Variants in SYNE2 observed in about 807,000 individuals in gnomAD.
SYNE2 encodes the protein nesprin-2.
A neutral mutation model predicts 856.3 loss-of-function variants in SYNE2; 431 were observed. The observed-to-expected ratio is 0.50, with a 90% CI of 0.47 to 0.55. SYNE2 has a LOEUF of 0.55. Ranked by LOEUF, SYNE2 falls within the 20% of genes least tolerant of loss-of-function variation. The probability of loss-of-function intolerance (pLI) is 0.00; values close to 1 mark genes in which losing one functional copy is unlikely to be tolerated. For missense variants in SYNE2, 8,129 were observed against 8,023.2 expected (o/e 1.01, Z -0.50); for synonymous variants, 2,923 against 2,872.3 (o/e 1.02, Z -0.56).
At chr14:64,199,584 G>A (rs2098552879) in intron 99 of SYNE2, among the ~76,000 whole-genome samples, 1 of 151,964 alleles carries the variant, frequency 6.6e-6, no homozygotes, top group Non-Finnish European at 1.5e-5. Flanking sequence ...TGAGCATGGT[G>A]GCAGGTGCCT....
intron 34 of SYNE2, among the ~76,000 whole-genome samples, chr14:64,018,450 G>A (rs2153529199): frequency 6.6e-6 from 1 of 152,236 alleles, no homozygotes; most frequent in Non-Finnish European, 1.5e-5. Context: ...CACTATGTTG[G>A]CCAGACTGGT....
chr14:64,013,137 C>CAA (rs1432411233), intron 32 of SYNE2, among the ~76,000 whole-genome samples: 1 of 152,194 alleles, frequency 6.6e-6, no homozygotes, highest in Non-Finnish European at 1.5e-5. Context: ...ACCCATAGTT[C>CAA]TGCCAATGCT....
chr14:64,023,911 A>G (rs2096957387), intron 38 of SYNE2: 1 of 291,818 alleles, frequency 3.4e-6, no homozygotes, highest in South Asian at 3.6e-5. Flanking sequence ...CCAAACCTTG[A>G]AACGTAAACA....
intron 101 of SYNE2, 125 bp from the exon 102 acceptor site, chr14:64,209,303 C>T (rs2098627806): frequency 5.3e-6 from 8 of 1,498,228 alleles, no homozygotes; most frequent in Admixed American, 1.9e-5. Context: ...TGGCGTCCCT[C>T]TTATTTCCCA....
At position 63,885,949 on chromosome 14, in the gene SYNE2, CG is replaced by C. The variant is rs532248696; in HGVS notation, c.-51-23148del. On this transcript the variant is annotated intron_variant, in intron 1 of 115. Coordinates refer to ENST00000555002, the MANE Select transcript of SYNE2 (RefSeq NM_182914.3). ...TTAATTGAAGCTGAGGGAGACAGCT[CG>C]AGAATATGTGAGCTAAATAGATGCT... is the stretch of plus-strand genomic sequence containing the variant. Among the ~76,000 whole-genome samples, 29 of 152,154 alleles carry C rather than the reference CG, an allele frequency of 1.9e-4. No individual in the cohort carries two copies. In the South Asian group the frequency reaches 5.6e-3, roughly 29 times the overall value.
chr14:64,034,523 CA>C, intron 45 of SYNE2: 2 of 514,886 alleles, frequency 3.9e-6, no homozygotes, highest in Admixed American at 3.0e-5. Flanking sequence ...TGGCAGTTTC[CA>C]AAAATTGCCA....
chr14:64,026,605 G>A lies in SYNE2; in HGVS notation c.6279G>A (p.Gly2093=), dbSNP rs368839538. ...IKEIILLKPE[G]DARIETIMKQ... ...AAATCATTTTGCTGAAGCCTGAAGG[G>A]GATGCCAGAATAGAGACCATCATGA... is the stretch of plus-strand genomic sequence containing the variant. The change falls in exon 42 of 116, where the codon GGG becomes GGA. Residue 2093 remains glycine, a synonymous_variant. Transcript: ENST00000555002. The A allele has an allele frequency of 3.1e-6, 5 of 1,613,444 alleles. No homozygotes were observed. Among genetic ancestry groups the A allele is most frequent in the African/African-American group, 1.3e-5 (1 of 74,956 alleles).
chr14:64,189,105 G>A lies in SYNE2; in HGVS notation c.17871+397G>A, dbSNP rs192833787. 3.3e-4 allele frequency: 211 copies of A among 639,714 alleles called. 1 individual carries two copies. In the Middle Eastern group the frequency reaches 4.2e-3, roughly 13 times the overall value. 39.6% of individuals were successfully genotyped at this position (639,714 alleles called of 1,614,324 possible). On this transcript the variant is annotated intron_variant, in intron 98 of 115. Transcript: ENST00000555002. ...TCCTAGCACTTTGGGAGGCCAAGGC[G>A]GGTGGATCACCTGAGGTCAAGAGTT...
In SYNE2 at chr14:63,998,923, A is replaced by G. The variant is rs769074126; in HGVS notation, c.3363A>G (p.Thr1121=). 9 of 1,613,964 alleles carry G rather than the reference A, an allele frequency of 5.6e-6. No individual in the cohort carries two copies. The South Asian group carries it at 7.7e-5, about 14-fold the overall frequency. The part of the protein sequence containing the change: ...SINSLLERYD[T]YRDILEHHLQ... The stretch of plus-strand genomic sequence containing the variant: ...ATTTCATTTTGCCCAGGTATGATAC[A>G]TACAGAGATATTCTTGAACACCACC... The change falls in exon 27 of 116, where the codon ACA becomes ACG. Residue 1121 remains threonine (T), a synonymous_variant. Coordinates refer to ENST00000555002, the MANE Select transcript of SYNE2 (RefSeq NM_182914.3).
intron 30 of SYNE2, among the ~76,000 whole-genome samples, chr14:64,006,024 C>A (rs1004107269): frequency 3.9e-5 from 6 of 152,142 alleles, no homozygotes; most frequent in African/African-American, 1.4e-4. Context: ...ACCAAATGTG[C>A]TGACTAGTGA....
chr14:63,854,776 A>G (rs1437397061), intron 1 of SYNE2, among the ~76,000 whole-genome samples: 1 of 152,212 alleles, frequency 6.6e-6, no homozygotes, highest in Admixed American at 6.5e-5. Flanking sequence ...GATTCGTGTT[A>G]ATTGTGTTGT....
At chr14:63,889,225 C>A (rs1452230915) in intron 1 of SYNE2, among the ~76,000 whole-genome samples, 1 of 151,236 alleles carries the variant, frequency 6.6e-6, no homozygotes, top group Non-Finnish European at 1.5e-5. Context: ...TACAAAAATC[C>A]TCTTAAATAC....
chr14:64,102,193 T>A lies in SYNE2; in HGVS notation c.12492+151T>A. On this transcript the variant is annotated intron_variant, in intron 64 of 115. Transcript: ENST00000555002. ...GTGCAGTCGTATGATCTCAGCTCACTGCAACCTCCGCCTCTTAGGTTCAAG... is the reference window on the plus strand; with the variant it reads ...GTGCAGTCGTATGATCTCAGCTCACAGCAACCTCCGCCTCTTAGGTTCAAG... The A allele has an allele frequency of 6.3e-6, 4 of 630,082 alleles. No homozygotes were observed. The East Asian group carries it at 8.8e-5, about 14-fold the overall frequency. 39.0% of individuals were successfully genotyped at this position (630,082 alleles called of 1,614,324 possible). A position where few individuals can be genotyped will look rare whatever the true frequency, so the allele number is the denominator to read the frequency against.
intron 92 of SYNE2, 56 bp from the exon 93 acceptor site, chr14:64,168,821 G>T: frequency 8.4e-7 from 1 of 1,196,792 alleles, no homozygotes; most frequent in South Asian, 1.2e-5. Context: ...TGTAGGTTCC[G>T]AGATTCATAA....
rs1408686631 is a variant in SYNE2 at position 64,186,444 on chromosome 14, T to C, written c.17577T>C (p.Ala5859=). 2 of 1,614,070 alleles carry C rather than the reference T, an allele frequency of 1.2e-6. No individual in the cohort carries two copies. The highest frequency in any genetic ancestry group is 1.7e-6 in the Non-Finnish European group (2 of 1,180,032). Residue 5859 remains alanine (A), a synonymous_variant, in exon 97 of 116, where the codon GCT becomes GCC. Transcript: ENST00000555002. The part of the protein sequence containing the change: ...ELIKELEQSL[A]SWTQNLKELQ... The stretch of plus-strand genomic sequence containing the variant: ...TGCAGGAACTAGAACAGTCTTTGGC[T>C]AGCTGGACTCAGAACTTGAAAGAAC...
intron 104 of SYNE2, among the ~76,000 whole-genome samples, 172 bp downstream of exon 104, chr14:64,212,270 C>A (rs1195288701): frequency 1.3e-5 from 2 of 152,218 alleles, no homozygotes; most frequent in Admixed American, 1.3e-4. Flanking sequence ...GGATACTGTT[C>A]TTTACGGTCC....
intron 88 of SYNE2, 31 bp downstream of exon 88, chr14:64,162,307 G>A: frequency 6.2e-7 from 1 of 1,608,572 alleles, no homozygotes; most frequent in Non-Finnish European, 8.5e-7. Flanking sequence ...GAAAACCAAG[G>A]CCAAGTCAGC....
rs1490869243 is a variant in SYNE2 at position 64,149,421 on chromosome 14, C to T, written c.15640-3143C>T. Among the ~76,000 whole-genome samples, 3 of 152,150 alleles carry T rather than the reference C, an allele frequency of 2.0e-5. No homozygotes were observed. In the East Asian group the frequency reaches 5.8e-4, roughly 29 times the overall value. On this transcript the variant is annotated intron_variant, in intron 84 of 115. Coordinates refer to ENST00000555002, the MANE Select transcript of SYNE2 (RefSeq NM_182914.3). ...GTAAGCTTGCTAAAGTGGCTTTACT[C>T]TAGAAAAGTTAAGGACTGGAGTTGA... is the stretch of plus-strand genomic sequence containing the variant.
At chr14:63,919,736 A>G (rs8007892) in intron 2 of SYNE2, among the ~76,000 whole-genome samples, 45,290 of 151,692 alleles carry the variant, frequency 0.3, 9,366 homozygotes, top group African/African-American at 0.6. Context: ...AAAGCATAAT[A>G]AATGCCACAC....
Sources: gnomAD v4.1 joint callset for allele counts (sites outside exome capture counted in the v4.1 genomes callset) on GRCh38, gnomAD v4.1.1 for gene constraint, MANE v1.5 for transcripts, NCBI Gene and HGNC (gene_info 2026-07-23, HGNC 2026-07-21) for gene names.